THUMPD3: variants seen among roughly 807,000 people sequenced by gnomAD.
THUMPD3 encodes the protein THUMP domain 3 tRNA guanosine methyltransferase.
THUMPD3 carries 44 observed loss-of-function variants against 54.5 expected under a neutral mutation model. The ratio of observed to expected loss-of-function variants is 0.81; its 90% CI spans 0.63 to 1.04. THUMPD3 has a LOEUF of 1.04. Among genes scored for constraint, THUMPD3 ranks in the 50% least tolerant of loss-of-function variants. The pLI is 0.00. For missense variants in THUMPD3, 604 were observed against 601.3 expected (o/e 1.00, Z -0.05); for synonymous variants, 196 against 201.4 (o/e 0.97, Z 0.23).
intron 7 of THUMPD3, among the ~76,000 whole-genome samples, chr3:9,382,701 C>T (rs2033017831): frequency 6.6e-6 from 1 of 152,126 alleles, no homozygotes; most frequent in Admixed American, 6.5e-5. Flanking sequence ...TTTTGCAGTT[C>T]TCTGCATTAC....
In THUMPD3 at chr3:9,366,961, A is replaced by G; in HGVS notation, c.306A>G (p.Gln102=). 1.9e-6 allele frequency: 3 copies of G among 1,613,676 alleles called. No individual in the cohort carries two copies. The highest frequency in any genetic ancestry group is 2.5e-6 in the Non-Finnish European group (3 of 1,179,864). The change falls in exon 3 of 10, where the codon CAA becomes CAG. Residue 102 remains glutamine (Q), a synonymous_variant. Coordinates refer to ENST00000452837, the MANE Select transcript of THUMPD3 (RefSeq NM_001114092.2). ...TATTTGTGGTGGTTCAGGAGTTTCA[A>G]GATTACCAGTTCAAACAAACAAAGG... ...DNLFVVVQEF[Q]DYQFKQTKEE...
Position 9,385,541 on chromosome 3 carries a change from ATC to A in THUMPD3, c.*855_*856del, listed in dbSNP as rs1217764751. On this transcript the variant is annotated 3_prime_UTR_variant, in exon 10 of 10. Transcript: ENST00000452837. ...ATCTGCCTTAAATATTAAAATATCC[ATC>A]TGTTATTCACATTAATACACAGAAT... is the stretch of plus-strand genomic sequence containing the variant. The A allele has an allele frequency of 1.3e-5, 2 of 152,236 alleles. No homozygotes were observed. The highest frequency in any genetic ancestry group is 1.3e-4 in the Admixed American group (2 of 15,290). 9.4% of individuals were successfully genotyped at this position (152,236 alleles called of 1,614,324 possible).
rs1445241602 is a variant in THUMPD3 at position 9,374,568 on chromosome 3, AAG to A, written c.865_866del (p.Leu290ProfsTer14). 1.9e-6 allele frequency: 3 copies of A among 1,614,138 alleles called. No individual in the cohort carries two copies. The highest frequency in any genetic ancestry group is 1.7e-6 in the Non-Finnish European group (2 of 1,179,984). ...GTCATTGTGGGCATTGCATTGACTG[AAG>A]AGAGTCTCCACCGAAGAAATATAAC... On this transcript the variant is annotated frameshift_variant, in exon 5 of 10. Coordinates refer to ENST00000452837, the MANE Select transcript of THUMPD3 (RefSeq NM_001114092.2). LOFTEE classifies it high-confidence loss of function.
Position 9,384,854 on chromosome 3 carries a change from A to G in THUMPD3, c.*166A>G, listed in dbSNP as rs536641743. 2.8e-5 allele frequency: 21 copies of G among 762,614 alleles called. No homozygotes were observed. The African/African-American group carries it at 3.7e-4, about 13-fold the overall frequency. 47.2% of individuals were successfully genotyped at this position (762,614 alleles called of 1,614,324 possible). A position where few individuals can be genotyped will look rare whatever the true frequency, so the allele number is the denominator to read the frequency against. On this transcript the variant is annotated 3_prime_UTR_variant, in exon 10 of 10. Coordinates refer to ENST00000452837, the MANE Select transcript of THUMPD3 (RefSeq NM_001114092.2). ...TGAATGTAATGTGATGGAATTTAAA[A>G]GTTTTATGAGACCAGGCACAGTGGC...
At chr3:9,372,960 C>A (rs2032177676) in intron 4 of THUMPD3, among the ~76,000 whole-genome samples, 1 of 152,112 alleles carries the variant, frequency 6.6e-6, no homozygotes, top group African/African-American at 2.4e-5. Context: ...TCATACACTG[C>A]CTTGCAAATG....
At position 9,384,510 on chromosome 3, in the gene THUMPD3, T is replaced by G. The variant is rs114170432; in HGVS notation, c.1360-14T>G. The G allele has an allele frequency of 2.1e-3, 3,394 of 1,613,872 alleles. 13 individuals are homozygous for G. The highest frequency in any genetic ancestry group is 0.016 in the Middle Eastern group (96 of 6,060). Reference sequence around the variant, plus strand: ...ATTGTCAACCTAATTGTTATTTTTTTTGTGTGTACACAGGCGTTATCTGGA... The same window carrying G: ...ATTGTCAACCTAATTGTTATTTTTTGTGTGTGTACACAGGCGTTATCTGGA... On this transcript the variant is annotated splice_polypyrimidine_tract_variant and intron_variant, in intron 9 of 9. Transcript: ENST00000452837.
rs756046111 is a variant in THUMPD3, at chr3:9,384,507, T to C, written c.1360-17T>C. On this transcript the variant is annotated splice_polypyrimidine_tract_variant and intron_variant, in intron 9 of 9. Coordinates refer to ENST00000452837, the MANE Select transcript of THUMPD3 (RefSeq NM_001114092.2). Reference sequence around the variant, plus strand: ...TAGATTGTCAACCTAATTGTTATTTTTTTTGTGTGTACACAGGCGTTATCT... The same window carrying C: ...TAGATTGTCAACCTAATTGTTATTTCTTTTGTGTGTACACAGGCGTTATCT... 1 of 1,613,798 alleles carries C rather than the reference T, an allele frequency of 6.2e-7. No individual in the cohort carries two copies. The highest frequency in any genetic ancestry group is 8.5e-7 in the Non-Finnish European group (1 of 1,179,802).
chr3:9,384,503 ATTT>A lies in THUMPD3; in HGVS notation c.1360-15_1360-13del, dbSNP rs147229917. 6.2e-7 allele frequency: 1 copy of A among 1,611,304 alleles called. No homozygotes were observed. The highest frequency in any genetic ancestry group is 8.5e-7 in the Non-Finnish European group (1 of 1,178,054). ...AAAGTAGATTGTCAACCTAATTGTT[ATTT>A]TTTTTGTGTGTACACAGGCGTTATC... is the stretch of plus-strand genomic sequence containing the variant. On this transcript the variant is annotated intron_variant, in intron 9 of 9. Coordinates refer to ENST00000452837, the MANE Select transcript of THUMPD3 (RefSeq NM_001114092.2).
intron 6 of THUMPD3, among the ~76,000 whole-genome samples, chr3:9,379,045 G>A (rs370750593): frequency 1.3e-5 from 2 of 151,896 alleles, no homozygotes; most frequent in African/African-American, 2.4e-5. Context: ...AACCTAAGCC[G>A]ATATATGATC....
At chr3:9,367,124 C>A (rs1040008499) in intron 3 of THUMPD3, 139 bp downstream of exon 3, 2 of 597,804 alleles carry the variant, frequency 3.3e-6, no homozygotes, top group Non-Finnish European at 5.6e-6. Context: ...ACAGTAAAAT[C>A]TAGAGTTTTG....
rs776026891 is a variant in THUMPD3, at chr3:9,374,610, C to T, written c.902C>T (p.Thr301Ile). Residue 301 changes from threonine to isoleucine, a missense_variant, in exon 5 of 10, where the codon ACA (threonine) becomes ATA (isoleucine). By Grantham distance (89) the Thr-to-Ile change is moderately conservative. Transcript: ENST00000452837. ...HRRNITHFGP[T>I]TLRSTLAYGM... The stretch of plus-strand genomic sequence containing the variant: ...AGAAATATAACACATTTTGGACCTA[C>T]AACTCTTAGATCAACTCTTGCCTAT... 2 of 1,614,098 alleles carry T rather than the reference C, an allele frequency of 1.2e-6. No homozygotes were observed. The highest frequency in any genetic ancestry group is 2.2e-5 in the East Asian group (1 of 44,878).
rs147229917 is a variant in THUMPD3 at position 9,384,503 on chromosome 3, AT to A, written c.1360-13del. 17 of 1,610,936 alleles carry A rather than the reference AT, an allele frequency of 1.1e-5. No homozygotes were observed. The African/African-American group carries it at 1.2e-4, about 11-fold the overall frequency. On this transcript the variant is annotated intron_variant, in intron 9 of 9. Coordinates refer to ENST00000452837, the MANE Select transcript of THUMPD3 (RefSeq NM_001114092.2). ...AAAGTAGATTGTCAACCTAATTGTT[AT>A]TTTTTTTGTGTGTACACAGGCGTTA...
intron 3 of THUMPD3, among the ~76,000 whole-genome samples, chr3:9,369,288 C>G (rs1575057960): frequency 1.1e-5 from 1 of 94,558 alleles, no homozygotes; most frequent in Non-Finnish European, 1.9e-5. Flanking sequence ...CTAGTCTGGG[C>G]AACAGAGCAA....
At chr3:9,369,470 G>A (rs1055497686) in intron 3 of THUMPD3, among the ~76,000 whole-genome samples, 3 of 152,086 alleles carry the variant, frequency 2.0e-5, no homozygotes, top group Non-Finnish European at 4.4e-5. Context: ...CAAAGTTTGT[G>A]TACACTGAAC....
chr3:9,381,126 G>A (rs2032854107), intron 7 of THUMPD3, among the ~76,000 whole-genome samples: 1 of 152,120 alleles, frequency 6.6e-6, no homozygotes, highest in Non-Finnish European at 1.5e-5. Context: ...AGAGATGGGG[G>A]TCTTGCTGTT....
At chr3:9,368,921 T>A (rs2031792125) in intron 3 of THUMPD3, among the ~76,000 whole-genome samples, 1 of 152,244 alleles carries the variant, frequency 6.6e-6, no homozygotes, top group Admixed American at 6.5e-5. Context: ...CATACATACT[T>A]TTCTGCGCTA....
At chr3:9,377,612 C>T (rs1440639448) in intron 5 of THUMPD3, among the ~76,000 whole-genome samples, 1 of 152,062 alleles carries the variant, frequency 6.6e-6, no homozygotes, top group African/African-American at 2.4e-5. Context: ...TGACCTCAAG[C>T]GATCCACCCA....
intron 3 of THUMPD3, among the ~76,000 whole-genome samples, chr3:9,368,360 ATTTTT>A (rs764732133): frequency 1.7e-5 from 2 of 116,946 alleles, no homozygotes; most frequent in Admixed American, 9.5e-5. Flanking sequence ...ACCCGCGCAT[ATTTTT>A]TTTTTTTTTT....
Position 9,371,191 on chromosome 3 carries a change from TAA to T in THUMPD3, c.464_465del (p.Lys155ArgfsTer4). ...GCAAAAAGATAAATCAGAATTCAAG[TAA>T]AGAGAAGATTAATAATGGACAAGAA... Reference protein sequence around the residue: ...KRKKINQNSSKEKINNGQEVK... With the variant: ...KRKKINQNSSXEKINNGQEVK... On this transcript the variant is annotated frameshift_variant, in exon 4 of 10. Coordinates refer to ENST00000452837, the MANE Select transcript of THUMPD3 (RefSeq NM_001114092.2). LOFTEE classifies it high-confidence loss of function. 1 of 1,610,218 alleles carries T rather than the reference TAA, an allele frequency of 6.2e-7. No homozygotes were observed. The highest frequency in any genetic ancestry group is 8.5e-7 in the Non-Finnish European group (1 of 1,179,228).
Sources: allele counts gnomAD v4.1 joint callset (sites outside exome capture counted in the v4.1 genomes callset), GRCh38; gene constraint gnomAD v4.1.1; transcripts MANE v1.5; gene names NCBI Gene and HGNC (gene_info 2026-07-23, HGNC 2026-07-21).